The following DLG2 variants were observed in gnomAD, a reference collection of about 807,000 sequenced individuals.
DLG2 encodes discs large MAGUK scaffold protein 2.
DLG2 carries 45 observed loss-of-function variants against 132.5 expected under a neutral mutation model. That is an observed-to-expected ratio of 0.34 (90% CI 0.27 to 0.44). DLG2 has a LOEUF of 0.44. DLG2 is among the 20% of genes least tolerant of loss of function. DLG2 has a pLI of 1.00. For synonymous variants in DLG2, 424 were observed against 419.6 expected (o/e 1.01, Z -0.13); for missense variants, 1,045 against 1,196.9 (o/e 0.87, Z 1.87).
chr11:84,085,856 T>C (rs1375025606), intron 10 of DLG2, among the ~76,000 whole-genome samples: 1 of 152,222 alleles, frequency 6.6e-6, no homozygotes, highest in Non-Finnish European at 1.5e-5. Context: ...CAATATATCA[T>C]TCTTTCTTTT....
At chr11:84,871,298 C>T (rs1230003144) in intron 6 of DLG2, among the ~76,000 whole-genome samples, 1 of 152,200 alleles carries the variant, frequency 6.6e-6, no homozygotes, top group Non-Finnish European at 1.5e-5. Flanking sequence ...ACAAGTGATT[C>T]TGATGCTGAG....
At chr11:84,167,540 T>C (rs2095696904) in intron 8 of DLG2, among the ~76,000 whole-genome samples, 1 of 152,226 alleles carries the variant, frequency 6.6e-6, no homozygotes, top group African/African-American at 2.4e-5. Flanking sequence ...ATAACAAATG[T>C]GAACTATCCA....
chr11:85,158,245 A>T (rs1161536504), intron 4 of DLG2, among the ~76,000 whole-genome samples: 1 of 152,168 alleles, frequency 6.6e-6, no homozygotes, highest in African/African-American at 2.4e-5. Context: ...ATAGAACTGG[A>T]TCAGGCTGAA....
At position 84,930,484 on chromosome 11, in the gene DLG2, C is replaced by T. The variant is rs1265530973; in HGVS notation, c.357+181177G>A. On this transcript the variant is annotated intron_variant, in intron 6 of 27. Transcript: ENST00000376104. The stretch of plus-strand genomic sequence containing the variant: ...TAATCCTACCCTGTTCTTTGAACAA[C>T]CTCCTCCATCCTCTTTTGAAAGGCG... Among the ~76,000 whole-genome samples the T allele has an allele frequency of 2.6e-5, 4 of 152,050 alleles. No individual in the cohort carries two copies. The East Asian group carries it at 5.8e-4, about 22-fold the overall frequency.
intron 6 of DLG2, among the ~76,000 whole-genome samples, chr11:85,044,012 C>T (rs568973041): frequency 3.7e-4 from 56 of 152,080 alleles, no homozygotes; most frequent in African/African-American, 1.3e-3. Context: ...TCCAGGCATT[C>T]TACTAGGAAC....
chr11:84,475,668 G>C (rs968551316), intron 7 of DLG2, among the ~76,000 whole-genome samples: 7 of 152,042 alleles, frequency 4.6e-5, no homozygotes, highest in African/African-American at 1.7e-4. Flanking sequence ...TTTTTTGAGA[G>C]CCTGTTTAGA....
chr11:84,421,729 A>T (rs1470322794), intron 7 of DLG2, among the ~76,000 whole-genome samples: 1 of 152,210 alleles, frequency 6.6e-6, no homozygotes, highest in Non-Finnish European at 1.5e-5. Context: ...AGCTGACCTA[A>T]GCAAAGTCAC....
At chr11:85,546,818 CTTTTT>C (rs34822004) in intron 3 of DLG2, among the ~76,000 whole-genome samples, 3 of 68,972 alleles carry the variant, frequency 4.3e-5, no homozygotes, top group South Asian at 5.9e-4. Flanking sequence ...ATAACCCCTG[CTTTTT>C]TTTTTTTTTT....
At chr11:84,523,464 C>A (rs1314188316) in intron 7 of DLG2, among the ~76,000 whole-genome samples, 1 of 152,130 alleles carries the variant, frequency 6.6e-6, no homozygotes, top group Non-Finnish European at 1.5e-5. Context: ...GTTAAAAATT[C>A]AACAGCACTA....
At chr11:83,541,454 TCTTC>T (rs1376268619) in intron 20 of DLG2, among the ~76,000 whole-genome samples, 2 of 152,226 alleles carry the variant, frequency 1.3e-5, no homozygotes, top group Non-Finnish European at 2.9e-5. Context: ...TGATCCTCTT[TCTTC>T]CTTTATTTCT....
chr11:84,168,612 G>A (rs35409608), intron 8 of DLG2, among the ~76,000 whole-genome samples: 8,701 of 152,260 alleles, frequency 0.057, 313 homozygotes, highest in African/African-American at 0.089. Context: ...AGATAAATCA[G>A]TGAATCAACA....
chr11:84,805,882 G>C (rs1377230199), intron 6 of DLG2, among the ~76,000 whole-genome samples: 1 of 152,200 alleles, frequency 6.6e-6, no homozygotes, highest in African/African-American at 2.4e-5. Flanking sequence ...ATACCAAGGT[G>C]AAAGTTAATG....
intron 8 of DLG2, among the ~76,000 whole-genome samples, chr11:84,246,863 C>T (rs2097308974): frequency 6.6e-6 from 1 of 152,084 alleles, no homozygotes. Flanking sequence ...GAAAAAAATG[C>T]TTATTGCCGC....
intron 7 of DLG2, among the ~76,000 whole-genome samples, chr11:84,527,051 T>C (rs2099323276): frequency 6.6e-6 from 1 of 152,194 alleles, no homozygotes; most frequent in South Asian, 2.1e-4. Flanking sequence ...GTGCTGGGAT[T>C]ACAGGCGTGA....
chr11:84,424,500 A>T (rs1465641397), intron 7 of DLG2, among the ~76,000 whole-genome samples: 1 of 152,140 alleles, frequency 6.6e-6, no homozygotes, highest in Non-Finnish European at 1.5e-5. Flanking sequence ...CTCAATTCTT[A>T]TAATAGTGCC....
intron 11 of DLG2, among the ~76,000 whole-genome samples, chr11:84,001,135 A>C (rs2094324256): frequency 6.6e-6 from 1 of 152,074 alleles, no homozygotes; most frequent in African/African-American, 2.4e-5. Flanking sequence ...TCTTTACTTA[A>C]AAGATATAGA....
chr11:84,523,426 A>G (rs183231596), intron 7 of DLG2, among the ~76,000 whole-genome samples: 2 of 152,338 alleles, frequency 1.3e-5, no homozygotes, highest in Admixed American at 6.5e-5. Flanking sequence ...ACTATATGCT[A>G]TTACTTTTCT....
intron 6 of DLG2, among the ~76,000 whole-genome samples, chr11:84,757,148 T>A (rs2066992482): frequency 1.3e-5 from 2 of 152,198 alleles, no homozygotes; most frequent in Admixed American, 6.5e-5. Context: ...AGATTCCTCA[T>A]ATATTCATCC....
At chr11:83,753,800 A>G (rs143112109) in intron 18 of DLG2, among the ~76,000 whole-genome samples, 25,256 of 118,640 alleles carry the variant, frequency 0.21, 4,634 homozygotes, top group African/African-American at 0.48. Context: ...TATATGATAT[A>G]TCATATATAT....
Sources: allele counts gnomAD v4.1 joint callset (sites outside exome capture counted in the v4.1 genomes callset), GRCh38; gene constraint gnomAD v4.1.1; transcripts MANE v1.5; gene names NCBI Gene and HGNC (gene_info 2026-07-23, HGNC 2026-07-21).